KIF13B: variants seen among roughly 807,000 people sequenced by gnomAD.
KIF13B encodes kinesin-like protein KIF13B.
KIF13B carries 127 observed loss-of-function variants against 222.0 expected under a neutral mutation model. That is an observed-to-expected ratio of 0.57 (90% CI 0.50 to 0.66). The LOEUF is 0.66. KIF13B is among the 30% of genes least tolerant of loss of function. The pLI is 0.00. For missense variants in KIF13B, 2,173 were observed against 2,379.0 expected, an observed-to-expected ratio of 0.91 and a Z score of 1.80; for synonymous variants, 976 against 919.0, an observed-to-expected ratio of 1.06 and a Z score of -1.12.
At chr8:29,101,232 C>G (rs918009059) in intron 35 of KIF13B, among the ~76,000 whole-genome samples, 9 of 152,212 alleles carry the variant, frequency 5.9e-5, no homozygotes, top group African/African-American at 2.2e-4. Context: ...TGACTGAACA[C>G]TAAGATCAGC....
chr8:29,245,475 A>G, intron 1 of KIF13B, 36 bp from the exon 2 acceptor site: 1 of 1,458,704 alleles, frequency 6.9e-7, no homozygotes, highest in Middle Eastern at 1.7e-4. Flanking sequence ...AGTCATTTTA[A>G]AAAGTAATTT....
chr8:29,112,206 G>A (rs1162584429), intron 32 of KIF13B, among the ~76,000 whole-genome samples: 4 of 152,042 alleles, frequency 2.6e-5, no homozygotes, highest in Non-Finnish European at 4.4e-5. Flanking sequence ...ATCCCAGCAC[G>A]GGCGGATCAC....
intron 7 of KIF13B, among the ~76,000 whole-genome samples, chr8:29,181,704 C>G (rs1054054854): frequency 6.6e-6 from 1 of 152,206 alleles, no homozygotes; most frequent in Non-Finnish European, 1.5e-5. Flanking sequence ...TTCACTAAGT[C>G]TGATAACTTT....
At chr8:29,097,863 A>G (rs553507630) in intron 36 of KIF13B, among the ~76,000 whole-genome samples, 1 of 152,170 alleles carries the variant, frequency 6.6e-6, no homozygotes, top group Middle Eastern at 3.2e-3. Context: ...AAGAGATCCT[A>G]TAAGTATTTA....
At chr8:29,249,796 A>T (rs995045083) in intron 1 of KIF13B, among the ~76,000 whole-genome samples, 1 of 152,226 alleles carries the variant, frequency 6.6e-6, no homozygotes, top group African/African-American at 2.4e-5. Context: ...CAAAAGGAAA[A>T]CTTTAGAGCT....
intron 14 of KIF13B, 74 bp downstream of exon 14, chr8:29,155,652 G>T: frequency 7.6e-7 from 1 of 1,320,380 alleles, no homozygotes. Context: ...AGCAACAAAG[G>T]CCACTGTTGC....
At chr8:29,181,856 GA>G (rs1326408820) in intron 7 of KIF13B, 62 bp downstream of exon 7, 57 of 1,100,160 alleles carry the variant, frequency 5.2e-5, no homozygotes, top group East Asian at 1.5e-4. Context: ...ATTAAGCCAA[GA>G]AAAAAAAGAG....
At position 29,191,084 on chromosome 8, in the gene KIF13B, T is replaced by A. The variant is rs543171373; in HGVS notation, c.163-27A>T. The A allele has an allele frequency of 3.5e-5, 54 of 1,563,884 alleles. No homozygotes were observed. In the South Asian group the frequency reaches 6.2e-4, roughly 18 times the overall value. On this transcript the variant is annotated intron_variant, in intron 3 of 39. Coordinates refer to ENST00000524189, the MANE Select transcript of KIF13B (RefSeq NM_015254.4). ...TGTTGAAAATGAACATAAGTGTGTG[T>A]TAAGAAAACCTCAACATTACTTATA... is the stretch of plus-strand genomic sequence containing the variant.
rs1168037660 is a variant in KIF13B, at chr8:29,148,702, T to A, written c.1688A>T (p.Lys563Met). Residue 563 changes from lysine to methionine, a missense_variant, in exon 16 of 40, where the codon AAG becomes ATG. Around this residue, in one of 2 missense-constraint regions of KIF13B, gnomAD observed 1,480 missense variants for 1,722.8 expected, o/e 0.86. Transcript: ENST00000524189. ...REDEDQDPSM[K>M]NENSSEQLDV... is the part of the protein sequence containing the mutation. ...CAGCTGCTCAGAACTATTCTCGTTC[T>A]TCATGGAGGGATCCTGGTCCTCATC... 8 of 1,612,002 alleles carry A rather than the reference T, an allele frequency of 5.0e-6. No homozygotes were observed.
intron 31 of KIF13B, among the ~76,000 whole-genome samples, 160 bp from the exon 32 acceptor site, chr8:29,113,715 G>A (rs1315068736): frequency 5.3e-5 from 8 of 152,128 alleles, no homozygotes; most frequent in Non-Finnish European, 8.8e-5. Flanking sequence ...TTTCTTCATC[G>A]TTGTCCTATG....
chr8:29,182,863 G>GAC (rs1812769468), intron 6 of KIF13B, among the ~76,000 whole-genome samples: 2 of 152,050 alleles, frequency 1.3e-5, no homozygotes, highest in South Asian at 4.1e-4. Flanking sequence ...GCTGAGAGTA[G>GAC]ACAGACTTTA....
intron 36 of KIF13B, among the ~76,000 whole-genome samples, chr8:29,095,297 A>G (rs1808473133): frequency 6.6e-6 from 1 of 152,264 alleles, no homozygotes; most frequent in South Asian, 2.1e-4. Context: ...CTGAATTCTC[A>G]GCAGAAAAGA....
At chr8:29,183,857 A>G (rs956311445) in intron 6 of KIF13B, among the ~76,000 whole-genome samples, 1 of 152,218 alleles carries the variant, frequency 6.6e-6, no homozygotes, top group African/African-American at 2.4e-5. Flanking sequence ...AATGTAGAAC[A>G]CATATAATGA....
rs1478682942 is a variant in KIF13B at position 29,130,608 on chromosome 8, C to G, written c.3000G>C (p.Glu1000Asp). The G allele has an allele frequency of 6.2e-7, 1 of 1,613,764 alleles. No individual in the cohort carries two copies. ...EFWVQILEQN[E>D]NGEYCPVEVI... ...CTTCTACAGGGCAGTATTCACCATTCTCATTCTGTTCCAAGATTTGAACCC... is the reference window on the plus strand; with the variant it reads ...CTTCTACAGGGCAGTATTCACCATTGTCATTCTGTTCCAAGATTTGAACCC... The change falls in exon 24 of 40, where the codon GAG (glutamate) becomes GAC (aspartate). Residue 1000 changes from glutamate to aspartate, a missense_variant. By Grantham distance (45) the Glu-to-Asp change is conservative. This residue lies in a region of KIF13B where 1,480 missense variants were observed against 1,722.8 expected (regional missense o/e 0.86). Transcript: ENST00000524189.
intron 33 of KIF13B, 81 bp downstream of exon 33, chr8:29,109,837 C>A: frequency 7.4e-7 from 1 of 1,359,538 alleles, no homozygotes. Flanking sequence ...GGTGCAACAA[C>A]ACTGTGAATT....
At chr8:29,218,156 A>G (rs138752907) in intron 2 of KIF13B, among the ~76,000 whole-genome samples, 3 of 152,334 alleles carry the variant, frequency 2.0e-5, no homozygotes, top group African/African-American at 7.2e-5. Flanking sequence ...CATCTATTAC[A>G]TGTCATCAGC....
At chr8:29,158,439 A>C (rs533331016) in intron 13 of KIF13B, among the ~76,000 whole-genome samples, 1 of 152,330 alleles carries the variant, frequency 6.6e-6, no homozygotes, top group East Asian at 1.9e-4. Context: ...TACTATAAAG[A>C]ATTCCAGGAT....
chr8:29,162,147 G>A (rs970615912), intron 12 of KIF13B, among the ~76,000 whole-genome samples: 28 of 152,086 alleles, frequency 1.8e-4, no homozygotes. Context: ...GGGTATCTTC[G>A]ACTATGGGTA....
chr8:29,133,297 A>T (rs1409530042), intron 22 of KIF13B, among the ~76,000 whole-genome samples: 1 of 152,166 alleles, frequency 6.6e-6, no homozygotes, highest in Non-Finnish European at 1.5e-5. Flanking sequence ...ACAACAAAAA[A>T]CGCACTGTTG....
Sources: gnomAD v4.1 joint callset for allele counts (sites outside exome capture counted in the v4.1 genomes callset) on GRCh38, gnomAD v4.1.1 for gene constraint, gnomAD v4.1.1 regional missense constraint, MANE v1.5 for transcripts, NCBI Gene and HGNC (gene_info 2026-07-23, HGNC 2026-07-21) for gene names.